Variants in LCT observed in about 807,000 individuals in gnomAD.
LCT encodes the protein lactase/phlorizin hydrolase.
LCT carries 90 observed loss-of-function variants against 173.0 expected under a neutral mutation model. The observed-to-expected ratio is 0.52, with a 90% CI of 0.44 to 0.62. The LOEUF is 0.62. Ranked by LOEUF, LCT falls within the 20% of genes least tolerant of loss-of-function variation. LCT has a pLI of 0.00. For missense variants in LCT, 1,864 were observed against 2,431.4 expected (o/e 0.77, Z 4.91); for synonymous variants, 853 against 957.6 (o/e 0.89, Z 2.02).
intron 1 of LCT, among the ~76,000 whole-genome samples, chr2:135,835,976 G>GTGTGTATA (rs1553436126): frequency 3.2e-4 from 26 of 80,428 alleles, no homozygotes; most frequent in African/African-American, 1.4e-3. Context: ...ATACATGTGT[G>GTGTGTATA]TATATATATA....
Position 135,800,740 on chromosome 2 carries a change from G to C in LCT, c.4733C>G (p.Ala1578Gly). 6.2e-7 allele frequency: 1 copy of C among 1,614,140 alleles called. No individual in the cohort carries two copies. Among genetic ancestry groups the C allele is most frequent in the Non-Finnish European group, 8.5e-7 (1 of 1,180,022 alleles). Residue 1578 changes from alanine to glycine, a missense_variant, in exon 12 of 17, where the codon GCC (alanine) becomes GGC (glycine). By Grantham distance (60) the Ala-to-Gly change is moderately conservative (BLOSUM62 0). This residue lies in a region of LCT where 514 missense variants were observed against 750.1 expected (regional missense o/e 0.69). Coordinates refer to ENST00000264162, the MANE Select transcript of LCT (RefSeq NM_002299.4). ...GHNLIKAHAE[A>G]WHLYNDVYRA... ...GTACACATCGTTGTACAGATGCCAG[G>C]CCTCAGCATGAGCCTTTATTAGATT...
rs2077647475 is a variant in LCT, at chr2:135,803,920, T to A, written c.4663+10A>T. 1.2e-6 allele frequency: 2 copies of A among 1,611,502 alleles called. No individual in the cohort carries two copies. Among genetic ancestry groups the A allele is most frequent in the Non-Finnish European group, 1.7e-6 (2 of 1,178,214 alleles). ...ATTCAAAGAGCCTATGAGCCAGGGC[T>A]GGGACTTACCTGGAGCTGCTGTTCC... On this transcript the variant is annotated intron_variant, in intron 11 of 16. Transcript: ENST00000264162.
chr2:135,837,029 C>A lies in LCT; in HGVS notation c.141G>T (p.Leu47=), dbSNP rs753100473. The change falls in exon 1 of 17, where the codon CTG becomes CTT. Residue 47 remains leucine (L), a synonymous_variant. Transcript: ENST00000264162. ...NDLLHNLSGL[L]GDQSSNFVAG... Reference sequence around the variant, plus strand: ...CTACAAAGTTAGAACTCTGGTCTCCCAGGAGACCACTCAGGTTGTGCAGCA... The same window carrying A: ...CTACAAAGTTAGAACTCTGGTCTCCAAGGAGACCACTCAGGTTGTGCAGCA... 2 of 1,613,814 alleles carry A rather than the reference C, an allele frequency of 1.2e-6. 1 individual carries two copies. The highest frequency in any genetic ancestry group is 1.7e-6 in the Non-Finnish European group (2 of 1,179,896).
chr2:135,827,909 A>T (rs2105552929), intron 3 of LCT, among the ~76,000 whole-genome samples: 1 of 152,158 alleles, frequency 6.6e-6, no homozygotes, highest in Admixed American at 6.5e-5. Context: ...AGCTAGAAAC[A>T]CACAGACATT....
chr2:135,789,411 A>G (rs775121366), intron 16 of LCT, among the ~76,000 whole-genome samples, 160 bp downstream of exon 16: 79 of 152,288 alleles, frequency 5.2e-4, no homozygotes, highest in South Asian at 4.1e-4. Context: ...CACCCCAGGA[A>G]ATGTCTGGAG....
In LCT at chr2:135,800,805, G is replaced by A. The variant is rs2077620239; in HGVS notation, c.4668C>T (p.Val1556=). ...AGGGGGCAGTGCCAGGCCTATTGGA[G>A]ACTCCTGGAAACATACACATGGATG... ...GYGYGTAAPG[V]SNRPGTAPYI... is the part of the protein sequence containing the mutation. The change falls in exon 12 of 17, where the codon GTC becomes GTT. Residue 1556 remains valine (V), a synonymous_variant. Coordinates refer to ENST00000264162, the MANE Select transcript of LCT (RefSeq NM_002299.4). 1 of 1,612,616 alleles carries A rather than the reference G, an allele frequency of 6.2e-7. No homozygotes were observed. The highest frequency in any genetic ancestry group is 8.5e-7 in the Non-Finnish European group (1 of 1,178,698).
Position 135,808,822 on chromosome 2 carries a change from C to A in LCT, c.3525G>T (p.Arg1175Ser). 6.2e-7 allele frequency: 1 copy of A among 1,614,106 alleles called. No individual in the cohort carries two copies. The highest frequency in any genetic ancestry group is 8.5e-7 in the Non-Finnish European group (1 of 1,179,988). ...PDTMKWKVGN[R>S]SELQHLATSR... ...AGGTGGCTAAGTGCTGCAGTTCACT[C>A]CTGTTCCCCACTTTCCACTTCATGG... The change falls in exon 8 of 17, where the codon AGG (arginine) becomes AGT (serine). Residue 1175 changes from arginine to serine, a missense_variant. Physicochemically the swap from Arg to Ser is moderately radical, Grantham distance 110. Coordinates refer to ENST00000264162, the MANE Select transcript of LCT (RefSeq NM_002299.4).
At chr2:135,816,098 G>A (rs988220817) in intron 6 of LCT, among the ~76,000 whole-genome samples, 1 of 152,234 alleles carries the variant, frequency 6.6e-6, no homozygotes, top group Non-Finnish European at 1.5e-5. Flanking sequence ...AAGCTGGTGG[G>A]TTTTCTGGGA....
intron 13 of LCT, 107 bp from the exon 14 acceptor site, chr2:135,794,882 G>A (rs1331370954): frequency 2.6e-5 from 33 of 1,267,640 alleles, no homozygotes; most frequent in Non-Finnish European, 3.8e-5. Flanking sequence ...CAGGCACTTG[G>A]CAGTGAGTAG....
intron 11 of LCT, among the ~76,000 whole-genome samples, chr2:135,803,451 A>C (rs538733475): frequency 1.3e-5 from 2 of 152,346 alleles, no homozygotes; most frequent in African/African-American, 4.8e-5. Context: ...ATAGTCAAGC[A>C]CACTGATATC....
intron 13 of LCT, 58 bp from the exon 14 acceptor site, chr2:135,794,833 G>A (rs947696104): frequency 6.2e-7 from 1 of 1,603,678 alleles, no homozygotes; most frequent in South Asian, 1.1e-5. Flanking sequence ...TTTGAGAAGA[G>A]AACGTCATAG....
chr2:135,789,435 T>C (rs2077517080), intron 16 of LCT, 136 bp downstream of exon 16: 2 of 705,172 alleles, frequency 2.8e-6, no homozygotes, highest in Admixed American at 4.4e-5. Context: ...TCAAAGAAAA[T>C]AAACATTTGT....
intron 3 of LCT, among the ~76,000 whole-genome samples, chr2:135,828,615 A>G (rs1287529095): frequency 6.6e-6 from 1 of 152,230 alleles, no homozygotes; most frequent in Non-Finnish European, 1.5e-5. Flanking sequence ...CGTGGGCACC[A>G]TCAGATAGAC....
intron 4 of LCT, 38 bp downstream of exon 4, chr2:135,823,863 G>A (rs1185671337): frequency 7.5e-7 from 1 of 1,324,892 alleles, no homozygotes; most frequent in Non-Finnish European, 1.1e-6. Flanking sequence ...CAGTGCACCA[G>A]ATGTCACTCA....
At chr2:135,829,502 G>T (rs985736382) in intron 3 of LCT, 91 bp downstream of exon 3, 17 of 972,548 alleles carry the variant, frequency 1.7e-5, no homozygotes, top group African/African-American at 3.2e-5. Context: ...TGGAAGTTCA[G>T]TTTATGCAGT....
chr2:135,830,038 C>T (rs1420013663), intron 2 of LCT, among the ~76,000 whole-genome samples: 4 of 152,180 alleles, frequency 2.6e-5, no homozygotes, highest in African/African-American at 9.7e-5. Context: ...CTGGTGCTTC[C>T]TCCATAGACC....
Position 135,817,627 on chromosome 2 carries a change from A to G in LCT, c.1421T>C (p.Val474Ala). 1 of 1,613,948 alleles carries G rather than the reference A, an allele frequency of 6.2e-7. No individual in the cohort carries two copies. Among genetic ancestry groups the G allele is most frequent in the Non-Finnish European group, 8.5e-7 (1 of 1,179,958 alleles). The stretch of plus-strand genomic sequence containing the variant: ...GTCAATCAGCTTGTTGTAGTAGGCA[A>G]CGCCTGGGAGGCTGGGGCTGCTCCC... ...GHGSSPSLPG[V>A]AYYNKLIDRL... is the part of the protein sequence containing the mutation. Residue 474 changes from valine to alanine, a missense_variant, in exon 6 of 17, where the codon GTT becomes GCT. Transcript: ENST00000264162.
intron 16 of LCT, among the ~76,000 whole-genome samples, chr2:135,789,197 C>T (rs7601818): frequency 2.6e-5 from 4 of 152,318 alleles, no homozygotes; most frequent in East Asian, 1.9e-4. Flanking sequence ...TTAACAAATA[C>T]GGGGCACCCA....
chr2:135,800,115 T>A (rs991207379), intron 12 of LCT, among the ~76,000 whole-genome samples: 4 of 152,170 alleles, frequency 2.6e-5, no homozygotes, highest in African/African-American at 9.7e-5. Context: ...CACAGCAAAC[T>A]TTTGAGGTGG....
Sources: allele counts gnomAD v4.1 joint callset (sites outside exome capture counted in the v4.1 genomes callset), GRCh38; gene constraint gnomAD v4.1.1; regional missense constraint gnomAD v4.1.1; transcripts MANE v1.5; gene names NCBI Gene and HGNC (gene_info 2026-07-23, HGNC 2026-07-21).